Variants in MFAP5 observed in about 807,000 individuals in gnomAD.
MFAP5 encodes microfibrillar-associated protein 5.
A neutral mutation model predicts 30.1 loss-of-function variants in MFAP5; 19 were observed. The observed-to-expected ratio is 0.63, with a 90% CI of 0.44 to 0.93. The LOEUF (loss-of-function observed/expected upper bound fraction) is 0.93, where lower values mean the gene tolerates loss of function less well. Ranked by LOEUF, MFAP5 falls within the 40% of genes least tolerant of loss-of-function variation. The pLI is 0.00. For synonymous variants in MFAP5, 92 were observed against 72.9 expected (o/e 1.26, Z -1.33); for missense variants, 210 against 221.3 (o/e 0.95, Z 0.32).
intron 3 of MFAP5, among the ~76,000 whole-genome samples, chr12:8,658,895 T>C (rs1207195379): frequency 6.6e-6 from 1 of 151,776 alleles, no homozygotes; most frequent in Non-Finnish European, 1.5e-5. Context: ...AGTGGTGCCA[T>C]CATAGCTCCT....
At chr12:8,661,064 C>T (rs1942136341) in intron 2 of MFAP5, among the ~76,000 whole-genome samples, 166 bp from the exon 3 acceptor site, 1 of 152,050 alleles carries the variant, frequency 6.6e-6, no homozygotes, top group Admixed American at 6.6e-5. Flanking sequence ...GTGCTATGAA[C>T]AAAACCAATA....
At chr12:8,656,664 A>T (rs1487050780) in intron 3 of MFAP5, among the ~76,000 whole-genome samples, 7 of 126,842 alleles carry the variant, frequency 5.5e-5, no homozygotes, top group East Asian at 4.1e-4. Flanking sequence ...ATATATATAT[A>T]TATATTTTTT....
intron 3 of MFAP5, among the ~76,000 whole-genome samples, chr12:8,656,668 A>ATATATATATATTTTT (rs1174790172): frequency 8.4e-6 from 1 of 118,804 alleles, no homozygotes; most frequent in Non-Finnish European, 1.7e-5. Flanking sequence ...ATATATATAT[A>ATATATATATATTTTT]TTTTTTTTTT....
intron 7 of MFAP5, among the ~76,000 whole-genome samples, chr12:8,651,007 A>T (rs1210703349): frequency 6.6e-6 from 1 of 152,116 alleles, no homozygotes; most frequent in Non-Finnish European, 1.5e-5. Flanking sequence ...TCTCTACTGA[A>T]AATACAAAAA....
intron 6 of MFAP5, 117 bp from the exon 7 acceptor site, chr12:8,651,808 A>G: frequency 1.1e-6 from 1 of 887,470 alleles, no homozygotes; most frequent in South Asian, 1.4e-5. Context: ...GAGCAAATGA[A>G]TTAATAACTC....
intron 9 of MFAP5, among the ~76,000 whole-genome samples, chr12:8,649,246 T>C (rs1220060658): frequency 6.6e-6 from 1 of 152,174 alleles, no homozygotes; most frequent in Non-Finnish European, 1.5e-5. Flanking sequence ...GCTCTCTAAG[T>C]AGGAGACACT....
intron 7 of MFAP5, among the ~76,000 whole-genome samples, chr12:8,650,955 T>C (rs1941821157): frequency 6.6e-6 from 1 of 152,084 alleles, no homozygotes; most frequent in Admixed American, 6.6e-5. Context: ...TCACCTGAAG[T>C]CAGGAGTTCG....
chr12:8,653,203 AAAAAG>A (rs995009725), intron 6 of MFAP5, among the ~76,000 whole-genome samples: 5 of 151,732 alleles, frequency 3.3e-5, no homozygotes, highest in Non-Finnish European at 5.9e-5. Flanking sequence ...AAAAAAAAAA[AAAAAG>A]AAAAAAGAAA....
At chr12:8,658,364 G>C (rs1052676504) in intron 3 of MFAP5, among the ~76,000 whole-genome samples, 9 of 152,012 alleles carry the variant, frequency 5.9e-5, no homozygotes, top group Non-Finnish European at 1.2e-4. Flanking sequence ...AATTCATCAG[G>C]CTTGACAAAA....
Position 8,660,879 on chromosome 12 carries a change from G to C in MFAP5, c.78C>G (p.Val26=). 1 of 1,611,984 alleles carries C rather than the reference G, an allele frequency of 6.2e-7. No individual in the cohort carries two copies. The change falls in exon 3 of 10, where the codon GTC becomes GTG. Residue 26 remains valine, a synonymous_variant. Coordinates refer to ENST00000359478, the MANE Select transcript of MFAP5 (RefSeq NM_003480.4). ...TTCACCTACCTCCTCGTTGACTATT[G>C]ACCCCCAGGGGTATCCAGTCTATAG... is the stretch of plus-strand genomic sequence containing the variant. ...IITSDWIPLG[V]NSQRGDDVTQ...
chr12:8,660,981 A>G, intron 2 of MFAP5, 83 bp from the exon 3 acceptor site: 2 of 1,168,464 alleles, frequency 1.7e-6, no homozygotes, highest in Non-Finnish European at 2.5e-6. Context: ...TCAGAAAATC[A>G]TGGAGAAATG....
intron 2 of MFAP5, among the ~76,000 whole-genome samples, chr12:8,661,133 A>G (rs1480357331): frequency 6.6e-6 from 1 of 152,198 alleles, no homozygotes; most frequent in African/African-American, 2.4e-5. Context: ...GTTTGGTAAA[A>G]AGAAAAAAAA....
chr12:8,653,906 C>A (rs763683742), intron 6 of MFAP5, among the ~76,000 whole-genome samples: 3 of 152,116 alleles, frequency 2.0e-5, no homozygotes, highest in Admixed American at 6.6e-5. Context: ...AGGTGGATCA[C>A]CTGAGGTCAA....
In MFAP5 at chr12:8,655,928, A is replaced by G. The variant is rs924681932; in HGVS notation, c.95-98T>C. The G allele has an allele frequency of 2.4e-5, 24 of 1,009,812 alleles. 1 individual carries two copies. In the African/African-American group the frequency reaches 2.5e-4, roughly 11 times the overall value. 62.6% of individuals were successfully genotyped at this position (1,009,812 alleles called of 1,614,324 possible). A position where few individuals can be genotyped will look rare whatever the true frequency, so the allele number is the denominator to read the frequency against. ...AATTGCGAAGCATAGTGCCCAGCGG[A>G]GTTGAGTATCCCACAAATGTTTTTC... On this transcript the variant is annotated intron_variant, in intron 3 of 9. Coordinates refer to ENST00000359478, the MANE Select transcript of MFAP5 (RefSeq NM_003480.4).
rs1481297716 is a variant in MFAP5, at chr12:8,647,052, T to C, written c.*1039A>G. On this transcript the variant is annotated 3_prime_UTR_variant, in exon 10 of 10. Transcript: ENST00000359478. ...TACTGCTAGAGCCAGGATAAGAATG[T>C]GGGTTGTCTGAATATTGTGTTTCTT... 6.6e-6 allele frequency: 1 copy of C among 152,212 alleles called. No homozygotes were observed. The highest frequency in any genetic ancestry group is 2.4e-5 in the African/African-American group (1 of 41,464). 9.4% of individuals were successfully genotyped at this position (152,212 alleles called of 1,614,324 possible). A position where few individuals can be genotyped will look rare whatever the true frequency, so the allele number is the denominator to read the frequency against.
chr12:8,657,972 T>C (rs1284761851), intron 3 of MFAP5, among the ~76,000 whole-genome samples: 1 of 152,158 alleles, frequency 6.6e-6, no homozygotes, highest in Non-Finnish European at 1.5e-5. Context: ...TGGATAATTA[T>C]AAAAAAGGTG....
At chr12:8,662,003 G>T in intron 2 of MFAP5, 44 bp downstream of exon 2, 1 of 1,567,710 alleles carries the variant, frequency 6.4e-7, no homozygotes, top group Non-Finnish European at 8.8e-7. Flanking sequence ...CACGTGTATA[G>T]CTGAGGAGCT....
Position 8,662,047 on chromosome 12 carries a change from C to A in MFAP5, c.58G>T (p.Asp20Tyr). Reference protein sequence around the residue: ...LFLAAFIITSDWIPLGVNSQR... With the variant: ...LFLAAFIITSYWIPLGVNSQR... ...AGGGAGCAAAGAATAAAGGACTCAC[C>A]AGAGGTGATGATGAATGCAGCAAGA... Residue 20 changes from aspartate (D) to tyrosine (Y), a missense_variant and splice_region_variant, in exon 2 of 10, where the codon GAC becomes TAC. Asp to Tyr is a radical substitution (Grantham distance 160, BLOSUM62 -3). Coordinates refer to ENST00000359478, the MANE Select transcript of MFAP5 (RefSeq NM_003480.4). 6.2e-7 allele frequency: 1 copy of A among 1,613,626 alleles called. No individual in the cohort carries two copies. Among genetic ancestry groups the A allele is most frequent in the Non-Finnish European group, 8.5e-7 (1 of 1,179,892 alleles).
chr12:8,648,064 T>G lies in MFAP5; in HGVS notation c.*27A>C. On this transcript the variant is annotated 3_prime_UTR_variant, in exon 10 of 10. Coordinates refer to ENST00000359478, the MANE Select transcript of MFAP5 (RefSeq NM_003480.4). The stretch of plus-strand genomic sequence containing the variant: ...ATCCTCCTTCCTCTCACCCATACAT[T>G]TTTTCTTCTTTCCTCTTTTTCAATG... 1 of 1,556,510 alleles carries G rather than the reference T, an allele frequency of 6.4e-7. No individual in the cohort carries two copies. The highest frequency in any genetic ancestry group is 8.9e-7 in the Non-Finnish European group (1 of 1,128,838).
Sources: gnomAD v4.1 joint callset for allele counts (sites outside exome capture counted in the v4.1 genomes callset) on GRCh38, gnomAD v4.1.1 for gene constraint, MANE v1.5 for transcripts, NCBI Gene and HGNC (gene_info 2026-07-23, HGNC 2026-07-21) for gene names.